The following TENM4 variants were observed in gnomAD, a reference collection of about 807,000 sequenced individuals.
TENM4 encodes the protein teneurin-4.
TENM4 carries 82 observed loss-of-function variants against 243.3 expected under a neutral mutation model. The ratio of observed to expected loss-of-function variants is 0.34; its 90% CI spans 0.28 to 0.40. TENM4 has a LOEUF of 0.40. Ranked by LOEUF, TENM4 falls within the 10% of genes least tolerant of loss-of-function variation. TENM4 has a pLI of 1.00. For synonymous variants in TENM4, 1,412 were observed against 1,456.3 expected (o/e 0.97, Z 0.69); for missense variants, 3,138 against 3,673.3 (o/e 0.85, Z 3.77).
chr11:79,064,801 G>A lies in TENM4; in HGVS notation c.430C>T (p.Leu144=). The change falls in exon 6 of 34, where the codon CTG becomes TTG. Residue 144 remains leucine (L), a synonymous_variant. Coordinates refer to ENST00000278550, the MANE Select transcript of TENM4 (RefSeq NM_001098816.3). ...AGATTGGAATTGGCCCGGCTGGACA[G>A]GCAGGAGCTGCGCCCTGACCGTGTG... ...RSTRSGRSSC[L]SSRANSNLTL... 2 of 1,551,574 alleles carry A rather than the reference G, an allele frequency of 1.3e-6. No individual in the cohort carries two copies. The highest frequency in any genetic ancestry group is 2.4e-5 in the South Asian group (2 of 84,068).
intron 6 of TENM4, among the ~76,000 whole-genome samples, chr11:79,011,260 G>A (rs117705143): frequency 6.6e-6 from 1 of 152,218 alleles, no homozygotes; most frequent in Non-Finnish European, 1.5e-5. Flanking sequence ...GCTGGGCACT[G>A]TTCTGATTCT....
chr11:79,397,147 G>C (rs143898491), intron 1 of TENM4, among the ~76,000 whole-genome samples: 1,636 of 152,282 alleles, frequency 0.011, 29 homozygotes, highest in African/African-American at 0.036. Flanking sequence ...AGGAAAAGCA[G>C]GAGCTAAGAA....
At chr11:79,166,932 G>C (rs972397422) in intron 3 of TENM4, among the ~76,000 whole-genome samples, 2 of 152,196 alleles carry the variant, frequency 1.3e-5, no homozygotes, top group East Asian at 3.9e-4. Flanking sequence ...AGTTCAGTAT[G>C]GCTAGAACAT....
intron 7 of TENM4, among the ~76,000 whole-genome samples, chr11:78,901,231 T>C (rs545445270): frequency 2.0e-5 from 3 of 152,314 alleles, no homozygotes; most frequent in Non-Finnish European, 2.9e-5. Context: ...TAAAATGGTG[T>C]TATGTGAGTA....
intron 6 of TENM4, among the ~76,000 whole-genome samples, chr11:79,008,975 C>G (rs1429208508): frequency 6.6e-6 from 1 of 152,134 alleles, no homozygotes; most frequent in Non-Finnish European, 1.5e-5. Context: ...AAAATGCCAT[C>G]TCTTAGTGTT....
intron 2 of TENM4, among the ~76,000 whole-genome samples, chr11:79,278,598 G>A (rs1325667887): frequency 6.6e-6 from 1 of 152,148 alleles, no homozygotes; most frequent in East Asian, 1.9e-4. Flanking sequence ...AGAAGCACCC[G>A]AATTCTTGCC....
At chr11:79,001,216 A>T (rs752733378) in intron 6 of TENM4, among the ~76,000 whole-genome samples, 3 of 152,220 alleles carry the variant, frequency 2.0e-5, no homozygotes, top group Non-Finnish European at 2.9e-5. Flanking sequence ...AAAAGAATGG[A>T]GCCAGGAGAA....
intron 2 of TENM4, among the ~76,000 whole-genome samples, chr11:79,296,719 G>T (rs1034756583): frequency 3.3e-5 from 5 of 152,200 alleles, no homozygotes; most frequent in African/African-American, 1.2e-4. Context: ...CTCAAGGTAT[G>T]GCTTTGGCCC....
At chr11:78,732,729 G>C (rs1385769566) in intron 20 of TENM4, among the ~76,000 whole-genome samples, 152 bp from the exon 21 acceptor site, 1 of 152,200 alleles carries the variant, frequency 6.6e-6, no homozygotes, top group East Asian at 1.9e-4. Flanking sequence ...TTTGACTGCA[G>C]CTCCAAACAA....
chr11:79,141,869 A>T (rs558901915), intron 4 of TENM4, among the ~76,000 whole-genome samples: 9 of 152,288 alleles, frequency 5.9e-5, no homozygotes, highest in Non-Finnish European at 1.3e-4. Context: ...GTGATATATC[A>T]TATTAATAGA....
intron 1 of TENM4, among the ~76,000 whole-genome samples, chr11:79,412,519 T>G (rs1677426984): frequency 6.6e-6 from 1 of 152,206 alleles, no homozygotes; most frequent in Admixed American, 6.5e-5. Flanking sequence ...TTACTACCCA[T>G]GTGACCTTGG....
chr11:78,840,267 T>G (rs183926095), intron 12 of TENM4, among the ~76,000 whole-genome samples: 3 of 152,230 alleles, frequency 2.0e-5, no homozygotes, highest in Non-Finnish European at 4.4e-5. Context: ...TTTTCTCACT[T>G]TCTCAAAATT....
intron 2 of TENM4, among the ~76,000 whole-genome samples, chr11:79,275,248 T>G (rs1012744487): frequency 6.6e-6 from 1 of 151,696 alleles, no homozygotes; most frequent in Non-Finnish European, 1.5e-5. Context: ...TGTGTCTGTG[T>G]GTGCGCGCGC....
At chr11:79,022,720 TGAA>T (rs1345779707) in intron 6 of TENM4, among the ~76,000 whole-genome samples, 2 of 152,184 alleles carry the variant, frequency 1.3e-5, no homozygotes, top group Non-Finnish European at 2.9e-5. Flanking sequence ...ATGAAGATGA[TGAA>T]GACAATGAAG....
At chr11:78,889,232 T>C (rs562504183) in intron 9 of TENM4, among the ~76,000 whole-genome samples, 1 of 152,340 alleles carries the variant, frequency 6.6e-6, no homozygotes, top group East Asian at 1.9e-4. Flanking sequence ...AGAATTTCCC[T>C]GGGTTCCTGA....
At chr11:78,963,764 C>A (rs1857380409) in intron 6 of TENM4, among the ~76,000 whole-genome samples, 1 of 146,370 alleles carries the variant, frequency 6.8e-6, no homozygotes, top group Admixed American at 6.9e-5. Flanking sequence ...CAGAGTCTCA[C>A]TCTGTCACCC....
In TENM4 at chr11:79,171,181, CA is replaced by C. The variant is rs758078059; in HGVS notation, c.-162-22376del. Among the ~76,000 whole-genome samples the C allele has an allele frequency of 5.3e-5, 8 of 152,254 alleles. No homozygotes were observed. In the East Asian group the frequency reaches 1.2e-3, roughly 22 times the overall value. The stretch of plus-strand genomic sequence containing the variant: ...AGGGGAAGAATTTGTGTCAGAGTCC[CA>C]CAGCAGGAAAGGGTAGAGAGGGCCT... On this transcript the variant is annotated intron_variant, in intron 3 of 33. Transcript: ENST00000278550.
At chr11:79,411,971 C>A (rs1274162936) in intron 1 of TENM4, among the ~76,000 whole-genome samples, 1 of 152,164 alleles carries the variant, frequency 6.6e-6, no homozygotes, top group East Asian at 1.9e-4. Flanking sequence ...AGCCGATATT[C>A]CTGACTCCAG....
At chr11:79,179,279 T>A (rs541571404) in intron 3 of TENM4, among the ~76,000 whole-genome samples, 3 of 152,182 alleles carry the variant, frequency 2.0e-5, no homozygotes, top group African/African-American at 7.2e-5. Context: ...AGGTCAGAAG[T>A]CTGCAAACTG....
Sources: gnomAD v4.1 joint callset for allele counts (sites outside exome capture counted in the v4.1 genomes callset) on GRCh38, gnomAD v4.1.1 for gene constraint, MANE v1.5 for transcripts, NCBI Gene and HGNC (gene_info 2026-07-23, HGNC 2026-07-21) for gene names.